Variants in RNF212B observed in about 807,000 individuals in gnomAD.
RNF212B encodes E3 ubiquitin-protein ligase RNF212B.
Under a neutral mutation model 55.5 loss-of-function variants are expected in RNF212B, and 52 were observed. The ratio of observed to expected loss-of-function variants is 0.94; its 90% CI spans 0.75 to 1.18. The LOEUF (loss-of-function observed/expected upper bound fraction) is 1.18, where lower values mean the gene tolerates loss of function less well. Ranked by LOEUF, RNF212B falls within the 50% of genes most tolerant of loss-of-function variation. RNF212B has a pLI of 0.00. For missense variants in RNF212B, 289 were observed against 350.4 expected, an observed-to-expected ratio of 0.82 and a Z score of 1.40; for synonymous variants, 99 against 121.4, an observed-to-expected ratio of 0.82 and a Z score of 1.21.
rs574321474 is a variant in RNF212B, at chr14:23,205,958, GCAAA to G, written c.-2+12562_-2+12565del. On this transcript the variant is annotated intron_variant, in intron 2 of 15. Coordinates refer to the RNF212B transcript ENST00000399910. ...GTATGAAATTTGCTTGATTAATAAT[GCAAA>G]CAAAGTGTATGCTGGCAATTCTTTA... 6.5e-4 allele frequency among the ~76,000 whole-genome samples: 99 copies of G among 152,292 alleles called. 1 individual carries two copies. Among genetic ancestry groups the G allele is most frequent in the Non-Finnish European group, 4.6e-4 (31 of 68,028 alleles).
At chr14:23,233,503 A>T (rs1392677563), upstream of RNF212B, among the ~76,000 whole-genome samples, 2 of 146,128 alleles carry the variant, frequency 1.4e-5, no homozygotes, top group African/African-American at 5.1e-5. Context: ...AGGTGGGAGG[A>T]TCAGTTGAGC....
chr14:23,215,033 C>T (rs1407446472), intron 2 of RNF212B, among the ~76,000 whole-genome samples: 1 of 152,204 alleles, frequency 6.6e-6, no homozygotes, highest in African/African-American at 2.4e-5. Flanking sequence ...ACACAAATCT[C>T]ATCTTGAATT....
At chr14:23,206,512 C>A (rs1879848344) in intron 2 of RNF212B, among the ~76,000 whole-genome samples, 1 of 152,174 alleles carries the variant, frequency 6.6e-6, no homozygotes, top group South Asian at 2.1e-4. Context: ...ATTAGGCATG[C>A]CGACAGCAGT....
At chr14:23,234,763 T>C (rs2140426109), upstream of RNF212B, among the ~76,000 whole-genome samples, 1 of 152,348 alleles carries the variant, frequency 6.6e-6, no homozygotes, top group African/African-American at 2.4e-5. Context: ...TATTTTCCAG[T>C]GAAAACTTTT....
intron 2 of RNF212B, among the ~76,000 whole-genome samples, chr14:23,209,584 A>G (rs578254688): frequency 7.9e-5 from 12 of 152,214 alleles, no homozygotes; most frequent in Non-Finnish European, 1.6e-4. Context: ...ACAAATCTTT[A>G]CAGAATACTT....
chr14:23,228,766 T>C (rs1882268025), intron 2 of RNF212B, among the ~76,000 whole-genome samples: 2 of 152,182 alleles, frequency 1.3e-5, no homozygotes, highest in Non-Finnish European at 2.9e-5. Flanking sequence ...CAGTATGGTA[T>C]TGGCATCAAG....
intron 2 of RNF212B, among the ~76,000 whole-genome samples, chr14:23,232,782 G>GTT (rs1259289457): frequency 7.6e-6 from 1 of 132,060 alleles, no homozygotes; most frequent in Non-Finnish European, 1.6e-5. Context: ...CTGGGAGGGA[G>GTT]GTGGGGGGGG....
chr14:23,195,748 T>C (rs1878596954), intron 2 of RNF212B, among the ~76,000 whole-genome samples: 1 of 152,220 alleles, frequency 6.6e-6, no homozygotes, highest in South Asian at 2.1e-4. Flanking sequence ...CTAGCATGTA[T>C]TGAGCAATCA....
chr14:23,248,965 TAGCATGGAAGCAGCCATAGAC>T (rs1276519708), intron 4 of RNF212B, among the ~76,000 whole-genome samples: 40 of 152,288 alleles, frequency 2.6e-4, no homozygotes, highest in Non-Finnish European at 5.1e-4. Flanking sequence ...TCTGCTGTTG[TAGCATGGAAGCAGCCATAGAC>T]AGCATGTAAG....
chr14:23,188,921 A>C (rs561505773), intron 1 of RNF212B, among the ~76,000 whole-genome samples: 65 of 152,396 alleles, frequency 4.3e-4, no homozygotes, highest in African/African-American at 1.4e-3. Flanking sequence ...GATGTACATT[A>C]ATGCATAATA....
chr14:23,255,745 G>T (rs1339061302), intron 4 of RNF212B, among the ~76,000 whole-genome samples: 2 of 152,124 alleles, frequency 1.3e-5, no homozygotes, highest in Non-Finnish European at 2.9e-5. Flanking sequence ...GCAAACAAAA[G>T]TTAATCTTCT....
intron 2 of RNF212B, among the ~76,000 whole-genome samples, chr14:23,212,093 A>G: frequency 6.6e-6 from 1 of 152,212 alleles, no homozygotes; most frequent in East Asian, 1.9e-4. Context: ...TCCAATCCTG[A>G]CTTTAAAAAA....
At chr14:23,195,080 G>A (rs1282134875) in intron 2 of RNF212B, among the ~76,000 whole-genome samples, 1 of 152,010 alleles carries the variant, frequency 6.6e-6, no homozygotes, top group African/African-American at 2.4e-5. Flanking sequence ...AAATAACTCG[G>A]TTAAATAATA....
intron 1 of RNF212B, chr14:23,188,132 A>G (rs1877774956): frequency 6.6e-6 from 1 of 152,194 alleles, no homozygotes; most frequent in Admixed American, 6.5e-5. Context: ...CTGCTTTGTT[A>G]TGATGGTTAA....
intron 2 of RNF212B, among the ~76,000 whole-genome samples, chr14:23,202,414 T>C (rs1566392437): frequency 6.6e-6 from 1 of 152,214 alleles, no homozygotes; most frequent in Non-Finnish European, 1.5e-5. Context: ...CCTTACAATC[T>C]TTGATCTTAT....
At chr14:23,229,220 T>TTACATA (rs1555314059) in intron 2 of RNF212B, among the ~76,000 whole-genome samples, 2 of 65,036 alleles carry the variant, frequency 3.1e-5, no homozygotes, top group East Asian at 8.5e-4. Flanking sequence ...GAATAATATT[T>TTACATA]TATATATATA....
chr14:23,272,889 T>C lies in RNF212B; in HGVS notation c.901T>C (p.Ter301GlnextTer6), dbSNP rs150161951. Residue 301 changes from the stop codon to glutamine (Q), a stop_lost, in exon 15 of 15, where the codon TAG becomes CAG. Coordinates refer to ENST00000430154, the MANE Select transcript of RNF212B (RefSeq NM_001282322.3). ...SGREAWTTSR[*>Q] ...GAGAGAAGCATGGACCACTTCTAGA[T>C]AGATCATCTTCAAGATCTGATCTAT... 4.6e-4 allele frequency: 709 copies of C among 1,526,442 alleles called. 4 individuals carry two copies. The African/African-American group carries it at 8.7e-3, about 19-fold the overall frequency. The allele number at this position is 1,526,442 out of a possible 1,614,324, so 94.6% of individuals were successfully genotyped here. A position where few individuals can be genotyped will look rare whatever the true frequency, so the allele number is the denominator to read the frequency against.
At chr14:23,246,908 C>T (rs1048046833) in intron 4 of RNF212B, among the ~76,000 whole-genome samples, 1 of 152,034 alleles carries the variant, frequency 6.6e-6, no homozygotes, top group African/African-American at 2.4e-5. Context: ...TTGAAGGCCA[C>T]GGTGGGTGGA....
intron 7 of RNF212B, among the ~76,000 whole-genome samples, chr14:23,261,636 G>A (rs1885300052): frequency 6.6e-6 from 1 of 152,138 alleles, no homozygotes; most frequent in South Asian, 2.1e-4. Context: ...TTTCTAATTA[G>A]TGATATCTAT....
Sources: gnomAD v4.1 joint callset for allele counts (sites outside exome capture counted in the v4.1 genomes callset) on GRCh38, gnomAD v4.1.1 for gene constraint, MANE v1.5 for transcripts, NCBI Gene and HGNC (gene_info 2026-07-23, HGNC 2026-07-21) for gene names.